UNC13B: variants seen among roughly 807,000 people sequenced by gnomAD.
UNC13B encodes the protein protein unc-13 homolog B.
UNC13B carries 144 observed loss-of-function variants against 211.0 expected under a neutral mutation model. The observed-to-expected ratio is 0.68, with a 90% confidence interval of 0.60 to 0.78. The LOEUF (loss-of-function observed/expected upper bound fraction) is 0.78. UNC13B is among the 30% of genes least tolerant of loss of function. The pLI, the probability that UNC13B is intolerant of heterozygous loss-of-function variation, is 0.00. For synonymous variants in UNC13B, 709 were observed against 725.8 expected (o/e 0.98, Z 0.37); for missense variants, 1,777 against 2,002.0 (o/e 0.89, Z 2.14).
At chr9:35,257,567 T>C in intron 6 of UNC13B, among the ~76,000 whole-genome samples, 1 of 97,050 alleles carries the variant, frequency 1.0e-5, no homozygotes, top group African/African-American at 4.2e-5. Context: ...GGAGAAAGAG[T>C]GAGAATCTGT....
At chr9:35,296,170 T>G (rs2131801612) in intron 8 of UNC13B, among the ~76,000 whole-genome samples, 1 of 152,352 alleles carries the variant, frequency 6.6e-6, no homozygotes, top group South Asian at 2.1e-4. Flanking sequence ...TCATGATCAG[T>G]GATTCTCAAC....
chr9:35,338,795 C>G (rs1831814217), intron 11 of UNC13B, among the ~76,000 whole-genome samples: 1 of 152,214 alleles, frequency 6.6e-6, no homozygotes, highest in South Asian at 2.1e-4. Flanking sequence ...CAGCCTGTCT[C>G]TGGCATTGAC....
intron 10 of UNC13B, among the ~76,000 whole-genome samples, chr9:35,312,913 G>A (rs969148769): frequency 6.6e-6 from 1 of 152,174 alleles, no homozygotes; most frequent in Admixed American, 6.5e-5. Flanking sequence ...AAAGGGCTGT[G>A]TGTTTTTTTT....
intron 6 of UNC13B, among the ~76,000 whole-genome samples, chr9:35,255,201 A>G (rs1457539009): frequency 6.7e-6 from 1 of 148,516 alleles, no homozygotes; most frequent in Non-Finnish European, 1.5e-5. Context: ...CTGGGATTAC[A>G]GGCGTGAGCC....
chr9:35,353,920 C>A, intron 11 of UNC13B: 1 of 624,964 alleles, frequency 1.6e-6, no homozygotes. Context: ...TGGTTGACGT[C>A]CATAGCTTGA....
Position 35,162,148 on chromosome 9 carries a change from T to C in UNC13B, c.-136T>C, listed in dbSNP as rs951759009. On this transcript the variant is annotated 5_prime_UTR_variant, in exon 1 of 40. Transcript: ENST00000635942. ...CGGGTCCGAGGCAGCGGCGGGACGC[T>C]ACCTGCGACCGGGACCATGAGGAGC... The C allele has an allele frequency of 2.9e-6, 4 of 1,359,416 alleles. No individual in the cohort carries two copies. The highest frequency in any genetic ancestry group is 2.6e-5 in the East Asian group (1 of 39,208). The allele number at this position is 1,359,416 out of a possible 1,614,324, so 84.2% of individuals were successfully genotyped here.
intron 11 of UNC13B, among the ~76,000 whole-genome samples, chr9:35,331,355 C>A (rs1274346729): frequency 6.6e-6 from 1 of 152,156 alleles, no homozygotes; most frequent in Non-Finnish European, 1.5e-5. Context: ...TCAAGCGATT[C>A]TTGTGCCTTA....
intron 7 of UNC13B, among the ~76,000 whole-genome samples, chr9:35,260,045 A>AC (rs1827175064): frequency 6.8e-6 from 1 of 147,184 alleles, no homozygotes; most frequent in Admixed American, 6.7e-5. Flanking sequence ...CTACAAAAAA[A>AC]AAAAAAAAAA....
At chr9:35,358,353 A>G (rs1166216815) in intron 11 of UNC13B, among the ~76,000 whole-genome samples, 2 of 152,162 alleles carry the variant, frequency 1.3e-5, no homozygotes, top group Non-Finnish European at 2.9e-5. Context: ...TGGTAATTCT[A>G]ATTTTTTGAA....
intron 7 of UNC13B, among the ~76,000 whole-genome samples, chr9:35,287,912 T>G (rs1828886776): frequency 6.6e-6 from 1 of 152,060 alleles, no homozygotes; most frequent in East Asian, 1.9e-4. Context: ...TACCTAACCC[T>G]GAATTAATCA....
rs1425147519 is a variant in UNC13B, at chr9:35,299,622, T to G, written c.762-544T>G. The stretch of plus-strand genomic sequence containing the variant: ...AGTTGAAGCATTTAAAAATTGATAT[T>G]ATAGCTGTTCTTTTTCTCATATGGA... On this transcript the variant is annotated intron_variant, in intron 8 of 39. Transcript: ENST00000635942. 2.6e-5 allele frequency among the ~76,000 whole-genome samples: 4 copies of G among 152,222 alleles called. No individual in the cohort carries two copies. The East Asian group carries it at 7.7e-4, about 29-fold the overall frequency.
intron 10 of UNC13B, among the ~76,000 whole-genome samples, 178 bp downstream of exon 10, chr9:35,310,959 TG>T (rs1205977235): frequency 6.6e-6 from 1 of 152,170 alleles, no homozygotes; most frequent in East Asian, 1.9e-4. Context: ...CAAGACATTT[TG>T]GAGATCTCTG....
chr9:35,289,747 C>T (rs897772704), intron 7 of UNC13B, among the ~76,000 whole-genome samples: 3 of 152,188 alleles, frequency 2.0e-5, no homozygotes, highest in African/African-American at 2.4e-5. Flanking sequence ...GAGGCTGAGG[C>T]GGGTGGATCA....
intron 6 of UNC13B, among the ~76,000 whole-genome samples, chr9:35,249,330 T>G (rs758199607): frequency 7.2e-5 from 11 of 152,236 alleles, no homozygotes; most frequent in Non-Finnish European, 1.2e-4. Context: ...CTGTGTCTTT[T>G]AATTGGAGCA....
At chr9:35,270,508 T>C (rs567751960) in intron 7 of UNC13B, among the ~76,000 whole-genome samples, 68 of 152,272 alleles carry the variant, frequency 4.5e-4, no homozygotes, top group African/African-American at 1.6e-3. Flanking sequence ...TGTCCTGTAA[T>C]GTACACAAAC....
chr9:35,375,140 C>A lies in UNC13B; in HGVS notation c.9554C>A (p.Ser3185Tyr). ...PLVSDLSLVQ[S>Y]RKAGITSAMA... Reference sequence around the variant, plus strand: ...CTTCCCTGACAGTCACTGGTCCAGTCTCGGAAGGCAGGAATCACTTCTGCA... The same window carrying A: ...CTTCCCTGACAGTCACTGGTCCAGTATCGGAAGGCAGGAATCACTTCTGCA... Residue 3185 changes from serine (S) to tyrosine (Y), a missense_variant, in exon 14 of 40, where the codon TCT becomes TAT. By Grantham distance (144) the Ser-to-Tyr change is moderately radical (BLOSUM62 -2). Transcript: ENST00000635942. The A allele has an allele frequency of 6.2e-7, 1 of 1,614,186 alleles. No homozygotes were observed. The highest frequency in any genetic ancestry group is 1.1e-5 in the South Asian group (1 of 91,068).
intron 6 of UNC13B, among the ~76,000 whole-genome samples, chr9:35,254,544 CAAACATTCAG>C (rs1225843638): frequency 6.6e-6 from 1 of 152,122 alleles, no homozygotes; most frequent in Non-Finnish European, 1.5e-5. Context: ...TGGTGGGATA[CAAACATTCAG>C]ACTATAGCAG....
rs1835586702 is a variant in UNC13B at position 35,392,378 on chromosome 9, G to A, written c.11308+1664G>A. 2.0e-5 allele frequency among the ~76,000 whole-genome samples: 3 copies of A among 152,120 alleles called. No individual in the cohort carries two copies. In the South Asian group the frequency reaches 6.2e-4, roughly 32 times the overall value. On this transcript the variant is annotated intron_variant, in intron 26 of 39. Transcript: ENST00000635942. ...TGAAGAGCTGTTGTAATAATTTAGG[G>A]ATAGAGGGTGCTGGGATTAGAGAAG...
At position 35,381,063 on chromosome 9, in the gene UNC13B, G is replaced by A. The variant is rs756204127; in HGVS notation, c.10376-37G>A. ...ATGGAACTATCTATGCTGTCTAGTT[G>A]CATTGGTGTCAATCTCCAGTCTTCT... On this transcript the variant is annotated intron_variant, in intron 18 of 39. Transcript: ENST00000635942. 13 of 1,578,796 alleles carry A rather than the reference G, an allele frequency of 8.2e-6. No homozygotes were observed. In the African/African-American group the frequency reaches 9.4e-5, roughly 11 times the overall value.
Sources: allele counts gnomAD v4.1 joint callset (sites outside exome capture counted in the v4.1 genomes callset), GRCh38; gene constraint gnomAD v4.1.1; transcripts MANE v1.5; gene names NCBI Gene and HGNC (gene_info 2026-07-23, HGNC 2026-07-21).